CAMKMT: variants seen among roughly 807,000 people sequenced by gnomAD.
CAMKMT encodes calmodulin-lysine N-methyltransferase.
Under a neutral mutation model 48.0 loss-of-function variants are expected in CAMKMT, and 53 were observed. That is an observed-to-expected ratio of 1.10 (90% CI 0.89 to 1.39). CAMKMT has a LOEUF of 1.39. Among genes scored for constraint, CAMKMT ranks in the 40% most tolerant of loss-of-function variants. CAMKMT has a pLI of 0.00. For missense variants in CAMKMT, 428 were observed against 402.7 expected (o/e 1.06, Z -0.54); for synonymous variants, 165 against 152.3 (o/e 1.08, Z -0.61).
At chr2:44,452,056 T>C (rs1254502691) in intron 3 of CAMKMT, among the ~76,000 whole-genome samples, 3 of 151,984 alleles carry the variant, frequency 2.0e-5, no homozygotes, top group Admixed American at 6.6e-5. Flanking sequence ...TAAATATGTA[T>C]ACTATATACC....
At chr2:44,390,108 T>G in intron 2 of CAMKMT, 133 bp from the exon 3 acceptor site, 1 of 620,340 alleles carries the variant, frequency 1.6e-6, no homozygotes, top group Non-Finnish European at 2.8e-6. Context: ...CAGAAAATAT[T>G]CTTAAAATAT....
intron 7 of CAMKMT, among the ~76,000 whole-genome samples, chr2:44,726,903 G>T (rs1367276301): frequency 6.6e-6 from 1 of 152,132 alleles, no homozygotes; most frequent in Non-Finnish European, 1.5e-5. Flanking sequence ...GTTTTTGTCA[G>T]CTTTGTTGAA....
intron 2 of CAMKMT, among the ~76,000 whole-genome samples, chr2:44,376,287 G>C (rs1409086108): frequency 6.6e-6 from 1 of 151,946 alleles, no homozygotes; most frequent in Non-Finnish European, 1.5e-5. Context: ...GGTGGTTCAT[G>C]CCTGTAATCC....
chr2:44,745,095 A>C (rs1347943408), intron 8 of CAMKMT, among the ~76,000 whole-genome samples: 1 of 152,176 alleles, frequency 6.6e-6, no homozygotes, highest in Non-Finnish European at 1.5e-5. Flanking sequence ...GATGAAGATA[A>C]TGCTGGCAGG....
At chr2:44,769,760 G>A (rs1167945800) in intron 10 of CAMKMT, among the ~76,000 whole-genome samples, 1 of 152,054 alleles carries the variant, frequency 6.6e-6, no homozygotes, top group African/African-American at 2.4e-5. Context: ...AGTACATTGT[G>A]TTAAAAACAC....
At chr2:44,687,286 A>AT (rs1259774534) in intron 3 of CAMKMT, among the ~76,000 whole-genome samples, 2 of 152,214 alleles carry the variant, frequency 1.3e-5, no homozygotes, top group Non-Finnish European at 2.9e-5. Context: ...ATGTGTATCT[A>AT]TATCACTGTG....
At position 44,653,835 on chromosome 2, in the gene CAMKMT, C is replaced by T. The variant is rs1298448846; in HGVS notation, c.377-50448C>T. 5.3e-5 allele frequency among the ~76,000 whole-genome samples: 8 copies of T among 152,236 alleles called. No individual in the cohort carries two copies. Among genetic ancestry groups the T allele is most frequent in the African/African-American group, 7.2e-5 (3 of 41,548 alleles). ...CATCGAGTGCCTAGAACAAAACTGA[C>T]ACATAGTAGACATCAATTAATATTT... On this transcript the variant is annotated intron_variant, in intron 3 of 10. Transcript: ENST00000378494. The surrounding 1 kb of genome is among the most constrained non-coding windows in gnomAD (Gnocchi z 5.2).
At chr2:44,650,521 T>C (rs1448429847) in intron 3 of CAMKMT, among the ~76,000 whole-genome samples, 2 of 152,242 alleles carry the variant, frequency 1.3e-5, no homozygotes, top group Non-Finnish European at 2.9e-5. Flanking sequence ...CCAAGTGACG[T>C]TTCTTTATAC....
intron 6 of CAMKMT, among the ~76,000 whole-genome samples, chr2:44,708,573 AAG>A (rs1197845960): frequency 6.6e-6 from 1 of 152,144 alleles, no homozygotes; most frequent in Non-Finnish European, 1.5e-5. Context: ...CACACAAGGG[AAG>A]GAGATCACAA....
intron 1 of CAMKMT, among the ~76,000 whole-genome samples, chr2:44,367,212 C>T (rs1678690931): frequency 6.6e-6 from 1 of 152,104 alleles, no homozygotes; most frequent in African/African-American, 2.4e-5. Flanking sequence ...TCCCAAATGT[C>T]AGTATCTACA....
rs558443561 is a variant in CAMKMT, at chr2:44,562,431, T to C, written c.377-141852T>C. On this transcript the variant is annotated intron_variant, in intron 3 of 10. Transcript: ENST00000378494. ...TTATATGCCGAATATAAGTATTAAC[T>C]CATTTAATTCACACAACATCCCTGG... Among the ~76,000 whole-genome samples the C allele has an allele frequency of 2.0e-5, 3 of 152,304 alleles. No individual in the cohort carries two copies. In the East Asian group the frequency reaches 5.8e-4, roughly 29 times the overall value.
chr2:44,772,032 T>C lies in CAMKMT; in HGVS notation c.895-4T>C. On this transcript the variant is annotated splice_polypyrimidine_tract_variant and splice_region_variant and intron_variant, in intron 10 of 10. Transcript: ENST00000378494. ...TACCTTTTTCTTTCTATTATTGTTT[T>C]CAGTTGAAAAAGGAAAACCCGGACA... The C allele has an allele frequency of 6.2e-7, 1 of 1,608,284 alleles. No individual in the cohort carries two copies. Among genetic ancestry groups the C allele is most frequent in the Non-Finnish European group, 8.5e-7 (1 of 1,175,730 alleles).
chr2:44,634,454 A>T (rs1558760191), intron 3 of CAMKMT, among the ~76,000 whole-genome samples: 1 of 151,704 alleles, frequency 6.6e-6, no homozygotes. Flanking sequence ...TTGGAGGTCA[A>T]CTCTAGTACC....
chr2:44,458,331 G>A (rs1171882394), intron 3 of CAMKMT, among the ~76,000 whole-genome samples: 5 of 152,124 alleles, frequency 3.3e-5, no homozygotes, highest in African/African-American at 1.2e-4. Flanking sequence ...ACAGGTGTGA[G>A]CCACTGCGCC....
chr2:44,450,611 C>G (rs1453512703), intron 3 of CAMKMT, among the ~76,000 whole-genome samples: 2 of 151,942 alleles, frequency 1.3e-5, no homozygotes, highest in Non-Finnish European at 2.9e-5. Context: ...AGTTTCAAAA[C>G]CAAATATTCA....
rs192061196 is a variant in CAMKMT at position 44,526,725 on chromosome 2, G to A, written c.376+136420G>A. ...ACTGGCAAGGGCGATTTTTTTTACA[G>A]TCTACTGATTCAAATGCTAACCTTT... On this transcript the variant is annotated intron_variant, in intron 3 of 10. Coordinates refer to ENST00000378494, the MANE Select transcript of CAMKMT (RefSeq NM_024766.5). 4.3e-4 allele frequency among the ~76,000 whole-genome samples: 65 copies of A among 152,206 alleles called. 1 individual carries two copies. The highest frequency in any genetic ancestry group is 7.8e-4 in the Non-Finnish European group (53 of 68,002).
At chr2:44,514,734 A>G (rs372578159) in intron 3 of CAMKMT, among the ~76,000 whole-genome samples, 1 of 152,366 alleles carries the variant, frequency 6.6e-6, no homozygotes, top group East Asian at 1.9e-4. Flanking sequence ...TTGAATGACT[A>G]CATTAATAGG....
At chr2:44,438,485 A>G (rs1370117463) in intron 3 of CAMKMT, among the ~76,000 whole-genome samples, 1 of 152,232 alleles carries the variant, frequency 6.6e-6, no homozygotes, top group East Asian at 1.9e-4. Flanking sequence ...TAAGAGTTAA[A>G]GAGTAGTCCT....
At chr2:44,607,651 C>T (rs118120112) in intron 3 of CAMKMT, among the ~76,000 whole-genome samples, 1 of 152,090 alleles carries the variant, frequency 6.6e-6, no homozygotes, top group East Asian at 1.9e-4. Flanking sequence ...AATAGGTAAA[C>T]ACTTGGTTAC....
Sources: allele counts gnomAD v4.1 joint callset (sites outside exome capture counted in the v4.1 genomes callset), GRCh38; gene constraint gnomAD v4.1.1; non-coding constraint Gnocchi (gnomAD v3.1); transcripts MANE v1.5; gene names NCBI Gene and HGNC (gene_info 2026-07-23, HGNC 2026-07-21).